Variants in TRAPPC2L observed in about 807,000 individuals in gnomAD.
The protein encoded by TRAPPC2L is trafficking protein particle complex subunit 2-like protein.
A neutral mutation model predicts 13.2 loss-of-function variants in TRAPPC2L; 17 were observed. The ratio of observed to expected loss-of-function variants is 1.29; its 90% CI spans 0.88 to 1.93. TRAPPC2L has a LOEUF of 1.93. Among genes scored for constraint, TRAPPC2L ranks in the 30% most tolerant of loss-of-function variants. The probability of loss-of-function intolerance (pLI) is 0.00; values close to 1 mark genes in which losing one functional copy is unlikely to be tolerated. For synonymous variants in TRAPPC2L, 150 were observed against 98.1 expected (o/e 1.53, Z -3.12); for missense variants, 359 against 252.1 (o/e 1.42, Z -2.87).
chr16:88,859,130 G>C (rs1968197204), intron 2 of TRAPPC2L: 1 of 440,752 alleles, frequency 2.3e-6, no homozygotes, highest in Non-Finnish European at 4.2e-6. Context: ...GGGGATAATA[G>C]TTTCATTTAT....
chr16:88,859,980 C>T lies in TRAPPC2L; in HGVS notation c.382C>T (p.Leu128=), dbSNP rs28444630. Residue 128 remains leucine (L), a synonymous_variant, in exon 4 of 4, where the codon CTA becomes TTA. Coordinates refer to ENST00000565504, the Ensembl canonical transcript of TRAPPC2L. Reference sequence around the variant, plus strand: ...GGACCGCATCCAGTCCAGGTGGGCCCTACTTTCTGTGTCTTGCCACCTTCT... The same window carrying T: ...GGACCGCATCCAGTCCAGGTGGGCCTTACTTTCTGTGTCTTGCCACCTTCT... 2,354 of 1,605,552 alleles carry T rather than the reference C, an allele frequency of 1.5e-3. 7 individuals carry two copies. The highest frequency in any genetic ancestry group is 3.2e-3 in the African/African-American group (237 of 74,004).
intron 1 of TRAPPC2L, chr16:88,857,450 A>C: frequency 2.3e-6 from 1 of 439,762 alleles, no homozygotes; most frequent in Non-Finnish European, 4.1e-6. Context: ...CCAGAAACCT[A>C]GGTGGTCCCG....
At chr16:88,858,827 C>T in intron 2 of TRAPPC2L, 36 bp downstream of exon 2, 1 of 1,588,878 alleles carries the variant, frequency 6.3e-7, no homozygotes, top group East Asian at 2.2e-5. Flanking sequence ...CAGGGAGGAC[C>T]TACAGTTGCA....
At chr16:88,857,345 A>G in intron 1 of TRAPPC2L, 162 bp downstream of exon 1, 1 of 631,886 alleles carries the variant, frequency 1.6e-6, no homozygotes, top group Non-Finnish European at 2.6e-6. Context: ...ACGAGCCGCC[A>G]GGCAGACCCT....
exon 4 of TRAPPC2L, chr16:88,859,897 T>C (rs1211773965): frequency 1.0e-5 from 16 of 1,572,936 alleles, no homozygotes; most frequent in African/African-American, 3.0e-5. Flanking sequence ...TTTCAGATGT[T>C]CCGGAAGCTA....
chr16:88,857,119 G>A (rs770236747), upstream of TRAPPC2L: 1 of 1,538,708 alleles, frequency 6.5e-7, no homozygotes, highest in Admixed American at 1.9e-5. Context: ...GGCGGGTCAC[G>A]TGACGCGGTG....
At chr16:88,857,141 G>T in exon 1 of TRAPPC2L, 2 of 1,576,300 alleles carry the variant, frequency 1.3e-6, no homozygotes, top group Non-Finnish European at 8.6e-7. Flanking sequence ...CTGGCGCCGA[G>T]CCTCCCAAGA....
exon 2 of TRAPPC2L, chr16:88,858,711 G>C: frequency 6.2e-7 from 1 of 1,613,642 alleles, no homozygotes; most frequent in Non-Finnish European, 8.5e-7. Flanking sequence ...TGGATGAGAA[G>C]ATCTCCGCAA....
rs926510808 is a variant in TRAPPC2L at position 88,860,817 on chromosome 16, G to A, written c.*493G>A. On this transcript the variant is annotated 3_prime_UTR_variant, in exon 4 of 4. Coordinates refer to ENST00000565504, the Ensembl canonical transcript of TRAPPC2L. ...ATTTCTGGACCCTGGAGAAGGTCCC[G>A]AGCATCCTGTGGATGGAGCCATGCT... The A allele has an allele frequency of 1.8e-5, 25 of 1,366,680 alleles. No homozygotes were observed. The African/African-American group carries it at 2.3e-4, about 13-fold the overall frequency. The allele number at this position is 1,366,680 out of a possible 1,614,324, so 84.7% of individuals were successfully genotyped here. A position where few individuals can be genotyped will look rare whatever the true frequency, so the allele number is the denominator to read the frequency against.
exon 4 of TRAPPC2L, chr16:88,860,467 G>A (rs1288620075): frequency 1.7e-6 from 1 of 603,936 alleles, no homozygotes; most frequent in African/African-American, 1.9e-5. Flanking sequence ...CTTTCAGTGA[G>A]TCCCCAGTTC....
exon 4 of TRAPPC2L, chr16:88,861,753 TTCCAGCACTGG>T (rs1486768849): frequency 4.4e-6 from 2 of 452,916 alleles, no homozygotes; most frequent in Non-Finnish European, 8.9e-6. Flanking sequence ...CCGGAGTTGG[TTCCAGCACTGG>T]TCCAGGACTG....
In TRAPPC2L at chr16:88,860,823, C is replaced by T. The variant is rs1180918427; in HGVS notation, c.*499C>T. The T allele has an allele frequency of 2.1e-6, 3 of 1,409,028 alleles. No homozygotes were observed. The East Asian group carries it at 7.3e-5, about 34-fold the overall frequency. The allele number at this position is 1,409,028 out of a possible 1,614,324, so 87.3% of individuals were successfully genotyped here. ...GGACCCTGGAGAAGGTCCCGAGCAT[C>T]CTGTGGATGGAGCCATGCTGCCCGG... On this transcript the variant is annotated 3_prime_UTR_variant, in exon 4 of 4. Transcript: ENST00000565504.
rs144257072 is a variant in TRAPPC2L at position 88,860,058 on chromosome 16, A to C, written c.460A>C (p.Asn154His). 84 of 1,240,634 alleles carry C rather than the reference A, an allele frequency of 6.8e-5. No individual in the cohort carries two copies. The East Asian group carries it at 1.0e-3, about 15-fold the overall frequency. The allele number at this position is 1,240,634 out of a possible 1,614,324, so 76.9% of individuals were successfully genotyped here. A position where few individuals can be genotyped will look rare whatever the true frequency, so the allele number is the denominator to read the frequency against. Residue 154 changes from asparagine (N) to histidine (H), a missense_variant, in exon 4 of 4, where the codon AAT (asparagine) becomes CAT (histidine). Physicochemically the swap from Asn to His is moderately conservative, Grantham distance 68. Transcript: ENST00000565504. Reference sequence around the variant, plus strand: ...GTTGCCAAAATGCAACCATTTGGAAAATAAGGGAGGAAAGATCTTTTTAAG... The same window carrying C: ...GTTGCCAAAATGCAACCATTTGGAACATAAGGGAGGAAAGATCTTTTTAAG...
At chr16:88,858,561 A>G (rs568377352) in intron 1 of TRAPPC2L, 58 bp from the exon 2 acceptor site, 286 of 1,578,548 alleles carry the variant, frequency 1.8e-4, no homozygotes, top group Middle Eastern at 1.7e-3. Context: ...CATAGTTCAG[A>G]GCTGGTGTGC....
exon 4 of TRAPPC2L, chr16:88,859,916 C>G (rs748979922): frequency 1.9e-6 from 3 of 1,582,798 alleles, no homozygotes; most frequent in Non-Finnish European, 2.6e-6. Context: ...TACACAACTC[C>G]TACACAGACG....
rs1054792484 is a variant in TRAPPC2L at position 88,861,389 on chromosome 16, G to A, written c.*1065G>A. The A allele has an allele frequency of 4.3e-5, 15 of 346,180 alleles. No homozygotes were observed. The Admixed American group carries it at 5.3e-4, about 12-fold the overall frequency. 21.4% of individuals were successfully genotyped at this position (346,180 alleles called of 1,614,324 possible). ...CCAGCCTAGGATCTAGGGGCACAAG[G>A]GGAGCCGGCGTGGCTTCCCACAGGG... On this transcript the variant is annotated 3_prime_UTR_variant, in exon 4 of 4. Transcript: ENST00000565504.
exon 4 of TRAPPC2L, chr16:88,861,034 C>G (rs1465839498): frequency 1.0e-5 from 15 of 1,477,112 alleles, no homozygotes; most frequent in African/African-American, 5.5e-5. Context: ...TTCTGGTTGC[C>G]TCTTCCTGAA....
chr16:88,858,657 C>G (rs746588969), exon 2 of TRAPPC2L: 1 of 1,613,418 alleles, frequency 6.2e-7, no homozygotes, highest in Non-Finnish European at 8.5e-7. Context: ...CTACGGAGAA[C>G]GAGCTGAAGT....
chr16:88,856,894 G>GCGGAGCCC (rs1254994248), upstream of TRAPPC2L: 4 of 1,502,348 alleles, frequency 2.7e-6, no homozygotes, highest in Middle Eastern at 2.3e-4. Flanking sequence ...CACGGGAGCC[G>GCGGAGCCC]CGGAGCCCCG....
Sources: gnomAD v4.1 joint callset for allele counts on GRCh38, gnomAD v4.1.1 for gene constraint, MANE v1.5 for transcripts, NCBI Gene and HGNC (gene_info 2026-07-23, HGNC 2026-07-21) for gene names.